Variants in EXOC6B observed in about 807,000 individuals in gnomAD.
EXOC6B encodes SEC15 homolog B.
Under a neutral mutation model 113.5 loss-of-function variants are expected in EXOC6B, and 54 were observed. The ratio of observed to expected loss-of-function variants is 0.48; its 90% confidence interval spans 0.38 to 0.60. The LOEUF (loss-of-function observed/expected upper bound fraction) is 0.60, where lower values mean the gene tolerates loss of function less well. Among genes scored for constraint, EXOC6B ranks in the 20% least tolerant of loss-of-function variants. The pLI is 0.00. For missense variants in EXOC6B, 797 were observed against 977.5 expected (o/e 0.82, Z 2.46); for synonymous variants, 357 against 339.0 (o/e 1.05, Z -0.58).
intron 18 of EXOC6B, among the ~76,000 whole-genome samples, chr2:72,436,194 A>T (rs1695859930): frequency 6.6e-6 from 1 of 152,124 alleles, no homozygotes; most frequent in South Asian, 2.1e-4. Context: ...TGGATTGAAA[A>T]TTCTTTTCTT....
At chr2:72,405,099 G>C (rs1485048911) in intron 18 of EXOC6B, among the ~76,000 whole-genome samples, 1 of 152,200 alleles carries the variant, frequency 6.6e-6, no homozygotes, top group South Asian at 2.1e-4. Context: ...CTGGAAGAAA[G>C]GGTATCAGTG....
At chr2:72,738,033 T>C (rs144270836) in intron 2 of EXOC6B, among the ~76,000 whole-genome samples, 62 of 152,262 alleles carry the variant, frequency 4.1e-4, no homozygotes, top group African/African-American at 1.2e-3. Context: ...AAGATTTTTT[T>C]AAAACAAGTC....
chr2:72,178,283 G>T lies in EXOC6B; in HGVS notation c.*1052C>A, dbSNP rs187178530. 15 of 152,362 alleles carry T rather than the reference G, an allele frequency of 9.8e-5. No individual in the cohort carries two copies. Among genetic ancestry groups the T allele is most frequent in the Admixed American group, 9.8e-4 (15 of 15,290 alleles). The allele number at this position is 152,362 out of a possible 1,614,324, so 9.4% of individuals were successfully genotyped here. A position where few individuals can be genotyped will look rare whatever the true frequency, so the allele number is the denominator to read the frequency against. On this transcript the variant is annotated 3_prime_UTR_variant, in exon 22 of 22. Transcript: ENST00000272427. ...GGCATGGCTGCCCCCACAGTGCAGA[G>T]CTGGTGACATTTCCTTAAAGATGAT...
At chr2:72,437,080 G>C (rs1695924240) in intron 18 of EXOC6B, among the ~76,000 whole-genome samples, 1 of 152,178 alleles carries the variant, frequency 6.6e-6, no homozygotes, top group Admixed American at 6.5e-5. Context: ...TTTGCATGGG[G>C]TTTTTCTGTG....
At chr2:72,768,530 C>G (rs1336287839) in intron 1 of EXOC6B, among the ~76,000 whole-genome samples, 9 of 151,828 alleles carry the variant, frequency 5.9e-5, no homozygotes, top group South Asian at 2.1e-4. Flanking sequence ...GTCTCAAACT[C>G]CAGACCTCAG....
At chr2:72,669,794 G>A (rs1675666982) in intron 6 of EXOC6B, among the ~76,000 whole-genome samples, 2 of 152,230 alleles carry the variant, frequency 1.3e-5, no homozygotes, top group Admixed American at 1.3e-4. Context: ...AGGGATGCTA[G>A]ACAACCTGAA....
At chr2:72,568,815 T>C (rs920609426) in intron 7 of EXOC6B, among the ~76,000 whole-genome samples, 1 of 151,996 alleles carries the variant, frequency 6.6e-6, no homozygotes, top group Admixed American at 6.6e-5. Context: ...CAGTTGCAGT[T>C]ACTAGCAACT....
At chr2:72,374,715 G>T (rs888361580) in intron 19 of EXOC6B, among the ~76,000 whole-genome samples, 1 of 151,218 alleles carries the variant, frequency 6.6e-6, no homozygotes, top group African/African-American at 2.4e-5. Context: ...AATGATAAAT[G>T]CTTAAGGAGA....
At chr2:72,229,848 CT>C (rs1681492452) in intron 20 of EXOC6B, among the ~76,000 whole-genome samples, 1 of 152,142 alleles carries the variant, frequency 6.6e-6, no homozygotes, top group Non-Finnish European at 1.5e-5. Flanking sequence ...AAAATTTACA[CT>C]GTTAGGGAAG....
chr2:72,418,045 T>C (rs1399069153), intron 18 of EXOC6B, among the ~76,000 whole-genome samples: 2 of 152,170 alleles, frequency 1.3e-5, no homozygotes, highest in African/African-American at 2.4e-5. Flanking sequence ...TATTTCATAT[T>C]TTCTATCTTA....
intron 2 of EXOC6B, among the ~76,000 whole-genome samples, chr2:72,737,259 G>A (rs564432683): frequency 1.3e-5 from 2 of 151,930 alleles, no homozygotes; most frequent in East Asian, 1.9e-4. Flanking sequence ...CACAAGAATC[G>A]CTTGAACCCA....
intron 20 of EXOC6B, among the ~76,000 whole-genome samples, chr2:72,239,135 C>T (rs982473085): frequency 7.4e-4 from 112 of 152,188 alleles, no homozygotes; most frequent in African/African-American, 2.6e-3. Context: ...AAGCAACCTT[C>T]CCACCTTGGC....
At chr2:72,454,959 T>C (rs905114038) in intron 18 of EXOC6B, among the ~76,000 whole-genome samples, 8 of 152,054 alleles carry the variant, frequency 5.3e-5, no homozygotes, top group African/African-American at 1.4e-4. Context: ...GTAGCTCAAA[T>C]AACGTAACTG....
At chr2:72,245,786 T>C (rs1682615989) in intron 20 of EXOC6B, among the ~76,000 whole-genome samples, 2 of 152,180 alleles carry the variant, frequency 1.3e-5, no homozygotes, top group South Asian at 2.1e-4. Flanking sequence ...ATGTAAATTA[T>C]GGAACTTAAA....
intron 19 of EXOC6B, among the ~76,000 whole-genome samples, chr2:72,378,988 T>C (rs750192560): frequency 1.4e-4 from 21 of 152,202 alleles, no homozygotes; most frequent in Non-Finnish European, 1.8e-4. Context: ...TATGGCAGTG[T>C]TTTATTCAAT....
intron 12 of EXOC6B, among the ~76,000 whole-genome samples, chr2:72,498,836 A>G (rs897157184): frequency 6.6e-6 from 1 of 152,158 alleles, no homozygotes; most frequent in Non-Finnish European, 1.5e-5. Flanking sequence ...TCCTCCCTAC[A>G]TCCCTTCCTA....
At chr2:72,599,327 A>G (rs944892499) in intron 6 of EXOC6B, among the ~76,000 whole-genome samples, 2 of 152,148 alleles carry the variant, frequency 1.3e-5, no homozygotes, top group African/African-American at 4.8e-5. Context: ...AAAACAAAAA[A>G]TAAGCATTTG....
intron 6 of EXOC6B, among the ~76,000 whole-genome samples, chr2:72,648,701 A>T (rs1004113821): frequency 1.3e-5 from 2 of 152,238 alleles, no homozygotes; most frequent in Non-Finnish European, 2.9e-5. Flanking sequence ...CATATACAGA[A>T]TGGAATACTA....
At chr2:72,409,678 G>A (rs1287411089) in intron 18 of EXOC6B, among the ~76,000 whole-genome samples, 1 of 150,436 alleles carries the variant, frequency 6.6e-6, no homozygotes, top group Non-Finnish European at 1.5e-5. Context: ...GAGAACACGT[G>A]GACACAGGAA....
Sources: gnomAD v4.1 joint callset for allele counts (sites outside exome capture counted in the v4.1 genomes callset) on GRCh38, gnomAD v4.1.1 for gene constraint, MANE v1.5 for transcripts, NCBI Gene and HGNC (gene_info 2026-07-23, HGNC 2026-07-21) for gene names.